PRAMEF1: variants seen among roughly 807,000 people sequenced by gnomAD.
PRAMEF1 encodes the protein PRAME family member 1.
PRAMEF1 carries 21 observed loss-of-function variants against 38.2 expected under a neutral mutation model. That is an observed-to-expected ratio of 0.55 (90% CI 0.39 to 0.79). The LOEUF (loss-of-function observed/expected upper bound fraction) is 0.79. Among genes scored for constraint, PRAMEF1 ranks in the 30% least tolerant of loss-of-function variants. The pLI, the probability that PRAMEF1 is intolerant of heterozygous loss-of-function variation, is 0.00. For missense variants in PRAMEF1, 497 were observed against 565.8 expected, an observed-to-expected ratio of 0.88 and a Z score of 1.23; for synonymous variants, 200 against 229.0, an observed-to-expected ratio of 0.87 and a Z score of 1.14.
intron 1 of PRAMEF1, among the ~76,000 whole-genome samples, chr1:12,791,974 C>T (rs1436166584): frequency 6.6e-6 from 1 of 151,078 alleles, no homozygotes; most frequent in East Asian, 2.0e-4. Flanking sequence ...GAACCTTCAT[C>T]TTAGAGTTAC....
intron 3 of PRAMEF1, 72 bp from the exon 4 acceptor site, chr1:12,795,366 T>A (rs1012660052): frequency 1.3e-6 from 2 of 1,555,298 alleles, no homozygotes; most frequent in African/African-American, 2.7e-5. Context: ...GACGCAGGCA[T>A]TTTCCTAGAT....
At chr1:12,795,166 G>C (rs1639371848) in intron 3 of PRAMEF1, among the ~76,000 whole-genome samples, 1 of 151,054 alleles carries the variant, frequency 6.6e-6, no homozygotes, top group Non-Finnish European at 1.5e-5. Flanking sequence ...GTGGCCCAGA[G>C]ATGAAGTTTT....
rs770692704 is a variant in PRAMEF1 at position 12,795,630 on chromosome 1, C to T, written c.1059C>T (p.Thr353=). The change falls in exon 4 of 4, where the codon ACC becomes ACT. Residue 353 remains threonine, a synonymous_variant. Coordinates refer to ENST00000332296, the MANE Select transcript of PRAMEF1 (RefSeq NM_023013.4). ...LLEKIAASLK[T]LILEGCQIHY... ...AGAAAATTGCTGCCTCTCTCAAAAC[C>T]CTCATCTTGGAGGGCTGTCAGATCC... 1.9e-6 allele frequency: 3 copies of T among 1,611,618 alleles called. 1 individual carries two copies. Among genetic ancestry groups the T allele is most frequent in the Non-Finnish European group, 2.5e-6 (3 of 1,179,676 alleles).
intron 2 of PRAMEF1, 72 bp from the exon 3 acceptor site, chr1:12,793,843 G>C (rs1208159736): frequency 5.6e-6 from 8 of 1,417,606 alleles, no homozygotes; most frequent in Non-Finnish European, 7.8e-6. Context: ...CTGATTTATG[G>C]GATGACAATG....
Position 12,794,379 on chromosome 1 carries a change from T to A in PRAMEF1, c.752T>A (p.Leu251His). The A allele has an allele frequency of 6.2e-7, 1 of 1,611,756 alleles. No individual in the cohort carries two copies. The highest frequency in any genetic ancestry group is 8.5e-7 in the Non-Finnish European group (1 of 1,178,822). ...CATCATTACACGTCAGATAATGAAC[T>A]CGAAGGACGGTTAGTTGCCAAATTC... ...RCHHYTSDNELEGRLVAKFSS... is the reference protein window; with the variant it reads ...RCHHYTSDNEHEGRLVAKFSS... Residue 251 changes from leucine (L) to histidine (H), a missense_variant, in exon 3 of 4, where the codon CTC becomes CAC. Leu to His is a moderately conservative substitution (Grantham distance 99). Around this residue, in one of 2 missense-constraint regions of PRAMEF1, gnomAD observed 470 missense variants for 501.9 expected, o/e 0.94. Transcript: ENST00000332296.
chr1:12,796,415 G>GC lies in PRAMEF1; in HGVS notation c.*419_*420insC. The GC allele has an allele frequency of 4.6e-6, 1 of 218,788 alleles. No homozygotes were observed. The highest frequency in any genetic ancestry group is 5.2e-5 in the Admixed American group (1 of 19,074). 13.6% of individuals were successfully genotyped at this position (218,788 alleles called of 1,614,324 possible). On this transcript the variant is annotated 3_prime_UTR_variant, in exon 4 of 4. Coordinates refer to ENST00000332296, the MANE Select transcript of PRAMEF1 (RefSeq NM_023013.4). ...CGGAAAGAGAAGCTAAAGTTCTACA[G>GC]TGATGAGACTGTTATCCCTGCAAGG...
chr1:12,796,508 A>G lies in PRAMEF1; in HGVS notation c.*512A>G, dbSNP rs1008887254. ...AAACTTTTAACCTGTTGTGCAATTTATCCATCAGAAATCTCTAGTTATCGA... is the reference window on the plus strand; with the variant it reads ...AAACTTTTAACCTGTTGTGCAATTTGTCCATCAGAAATCTCTAGTTATCGA... On this transcript the variant is annotated 3_prime_UTR_variant, in exon 4 of 4. Coordinates refer to ENST00000332296, the MANE Select transcript of PRAMEF1 (RefSeq NM_023013.4). The G allele has an allele frequency of 6.3e-6, 1 of 157,630 alleles. No individual in the cohort carries two copies. Among genetic ancestry groups the G allele is most frequent in the Non-Finnish European group, 1.4e-5 (1 of 71,400 alleles). 9.8% of individuals were successfully genotyped at this position (157,630 alleles called of 1,614,324 possible).
At chr1:12,793,600 T>A (rs1185050591) in intron 2 of PRAMEF1, 86 bp downstream of exon 2, 5 of 1,544,346 alleles carry the variant, frequency 3.2e-6, no homozygotes, top group African/African-American at 2.7e-5. Flanking sequence ...AGCCCAAGTG[T>A]GGCCCAGAGT....
rs1639342671 is a variant in PRAMEF1, at chr1:12,794,000, T to C, written c.373T>C (p.Phe125Leu). The change falls in exon 3 of 4, where the codon TTC becomes CTC. Residue 125 changes from phenylalanine (F) to leucine (L), a missense_variant. By Grantham distance (22) the Phe-to-Leu change is conservative. Coordinates refer to ENST00000332296, the MANE Select transcript of PRAMEF1 (RefSeq NM_023013.4). ...RWPGAWALSC[F>L]PETTSKRQTA... ...GCCTGGAGCCTGGGCCCTGTCCTGCTTCCCAGAGACCACGAGTAAGAGGCA... is the reference window on the plus strand; with the variant it reads ...GCCTGGAGCCTGGGCCCTGTCCTGCCTCCCAGAGACCACGAGTAAGAGGCA... 4.4e-6 allele frequency: 7 copies of C among 1,608,114 alleles called. 1 individual carries two copies. The highest frequency in any genetic ancestry group is 3.3e-5 in the Admixed American group (2 of 59,702).
In PRAMEF1 at chr1:12,795,377, G is replaced by A. The variant is rs1481460358; in HGVS notation, c.867-61G>A. ...GTTTGACGCAGGCATTTTCCTAGAT[G>A]AAGGCACTACCTTCATCTAACTGGT... On this transcript the variant is annotated intron_variant, in intron 3 of 3. Coordinates refer to ENST00000332296, the MANE Select transcript of PRAMEF1 (RefSeq NM_023013.4). The A allele has an allele frequency of 2.6e-5, 42 of 1,586,206 alleles. 3 individuals carry two copies. Among genetic ancestry groups the A allele is most frequent in the Non-Finnish European group, 3.5e-5 (41 of 1,162,926 alleles).
chr1:12,793,536 G>C (rs769956270), intron 2 of PRAMEF1, 22 bp downstream of exon 2: 2 of 1,600,392 alleles, frequency 1.2e-6, no homozygotes, highest in East Asian at 4.5e-5. Context: ...CAGGAGGGCT[G>C]GTAGATAGGG....
rs748498002 is a variant in PRAMEF1, at chr1:12,795,935, C to T, written c.1364C>T (p.Thr455Ile). 4 of 1,610,864 alleles carry T rather than the reference C, an allele frequency of 2.5e-6. No homozygotes were observed. The highest frequency in any genetic ancestry group is 2.2e-5 in the South Asian group (2 of 90,884). Residue 455 changes from threonine to isoleucine, a missense_variant, in exon 4 of 4, where the codon ACC (threonine) becomes ATC (isoleucine). Physicochemically the swap from Thr to Ile is moderately conservative, Grantham distance 89 (BLOSUM62 -1). Transcript: ENST00000332296. ...RQPKRIFIGP[T>I]PCPSCGSSPS... ...CCCAAGAGGATCTTCATTGGCCCCACCCCCTGCCCTTCCTGTGGCTCATCA... is the reference window on the plus strand; with the variant it reads ...CCCAAGAGGATCTTCATTGGCCCCATCCCCTGCCCTTCCTGTGGCTCATCA...
intron 3 of PRAMEF1, 100 bp from the exon 4 acceptor site, chr1:12,795,338 A>T (rs1639376105): frequency 3.8e-6 from 4 of 1,065,664 alleles, no homozygotes; most frequent in Non-Finnish European, 5.5e-6. Flanking sequence ...GATGGTGGGA[A>T]CAAACTTGTG....
Position 12,794,291 on chromosome 1 carries a change from A to T in PRAMEF1, c.664A>T (p.Arg222Ter), listed in dbSNP as rs748238648. The T allele has an allele frequency of 3.1e-6, 5 of 1,612,122 alleles. No homozygotes were observed. The highest frequency in any genetic ancestry group is 1.7e-5 in the Admixed American group (1 of 59,826). Residue 222 changes from arginine to a stop codon, truncating the protein, a stop_gained, in exon 3 of 4, where the codon AGA (arginine) becomes TGA (stop). Coordinates refer to ENST00000332296, the MANE Select transcript of PRAMEF1 (RefSeq NM_023013.4). LOFTEE classifies it high-confidence loss of function. ...IRNMSWPRLI[R>*]KLRCYLKEMK... ...CAACATGTCCTGGCCACGTCTGATA[A>T]GAAAGCTTCGTTGTTACCTGAAGGA... is the stretch of plus-strand genomic sequence containing the variant.
rs1225387077 is a variant in PRAMEF1 at position 12,796,074 on chromosome 1, G to T, written c.*78G>T. On this transcript the variant is annotated 3_prime_UTR_variant, in exon 4 of 4. Transcript: ENST00000332296. The stretch of plus-strand genomic sequence containing the variant: ...GGACACTAAAATCTACTATGTGGGT[G>T]CAAACTATTTTTCTCTTTTCTTATT... 1.0e-5 allele frequency: 14 copies of T among 1,370,402 alleles called. 3 individuals carry two copies. Among genetic ancestry groups the T allele is most frequent in the Non-Finnish European group, 1.4e-5 (14 of 1,009,260 alleles). The allele number at this position is 1,370,402 out of a possible 1,614,324, so 84.9% of individuals were successfully genotyped here.
Position 12,796,229 on chromosome 1 carries a change from G to A in PRAMEF1, c.*233G>A. ...TCCTGCCTCAGCTTCCTAAAGTGCT[G>A]GGATTACTGGCATGAGTGACTGTGT... is the stretch of plus-strand genomic sequence containing the variant. On this transcript the variant is annotated 3_prime_UTR_variant, in exon 4 of 4. Transcript: ENST00000332296. The A allele has an allele frequency of 4.4e-6, 3 of 681,918 alleles. No individual in the cohort carries two copies. The highest frequency in any genetic ancestry group is 7.1e-6 in the Non-Finnish European group (3 of 425,412). The allele number at this position is 681,918 out of a possible 1,614,324, so 42.2% of individuals were successfully genotyped here. A position where few individuals can be genotyped will look rare whatever the true frequency, so the allele number is the denominator to read the frequency against.
intron 1 of PRAMEF1, among the ~76,000 whole-genome samples, chr1:12,792,313 C>G (rs533603395): frequency 6.6e-6 from 1 of 151,112 alleles, no homozygotes; most frequent in African/African-American, 2.4e-5. Flanking sequence ...TGAGCCACCG[C>G]GCCCAGCTAC....
At chr1:12,794,933 C>A in intron 3 of PRAMEF1, 1 of 1,325,142 alleles carries the variant, frequency 7.5e-7, no homozygotes, top group East Asian at 5.1e-5. Context: ...GTCTCTGATT[C>A]CCTGTTTGTA....
At position 12,791,407 on chromosome 1, in the gene PRAMEF1, C is replaced by T. The variant is rs1265025629; in HGVS notation, c.-93C>T. ...GGGTACCCAGAAGAGACCCACAGCA[C>T]TCATTCCTGGAGCTACTGGTTGGTT... On this transcript the variant is annotated 5_prime_UTR_variant, in exon 1 of 4. Coordinates refer to ENST00000332296, the MANE Select transcript of PRAMEF1 (RefSeq NM_023013.4). 1 of 144,168 alleles carries T rather than the reference C, an allele frequency of 6.9e-6. No homozygotes were observed. The highest frequency in any genetic ancestry group is 2.2e-4 in the East Asian group (1 of 4,466). 8.9% of individuals were successfully genotyped at this position (144,168 alleles called of 1,614,324 possible). A position where few individuals can be genotyped will look rare whatever the true frequency, so the allele number is the denominator to read the frequency against.
Sources: gnomAD v4.1 joint callset for allele counts (sites outside exome capture counted in the v4.1 genomes callset) on GRCh38, gnomAD v4.1.1 for gene constraint, gnomAD v4.1.1 regional missense constraint, MANE v1.5 for transcripts, NCBI Gene and HGNC (gene_info 2026-07-23, HGNC 2026-07-21) for gene names.